The following OTC variants were observed in gnomAD, a reference collection of about 807,000 sequenced individuals.
The protein encoded by OTC is ornithine transcarbamylase.
Under a neutral mutation model 30.3 loss-of-function variants are expected in OTC, and 3 were observed. That is an observed-to-expected ratio of 0.10 (90% confidence interval 0.05 to 0.26). OTC has a LOEUF of 0.26. OTC is among the 10% of genes least tolerant of loss of function. The pLI is 1.00. For synonymous variants in OTC, 111 were observed against 99.7 expected (o/e 1.11, Z -0.67); for missense variants, 194 against 260.3 (o/e 0.75, Z 1.75).
chrX:38,407,185 G>C lies in OTC; in HGVS notation c.664-1557G>C, dbSNP rs906307531. 2.7e-5 allele frequency among the ~76,000 whole-genome samples: 3 copies of C among 112,697 alleles called. No individual in the cohort carries two copies. The Admixed American group carries it at 2.8e-4, about 11-fold the overall frequency. ...CTGGATCTGAGATGTCCATTCATCT[G>C]TCTGGAGTTGGGCAGAGGAGGGTCA... On this transcript the variant is annotated intron_variant, in intron 6 of 9. Transcript: ENST00000039007.
chrX:38,375,380 TCTGA>T (rs1322582899), intron 3 of OTC, among the ~76,000 whole-genome samples: 2 of 111,917 alleles, frequency 1.8e-5, no homozygotes, highest in African/African-American at 6.5e-5. Flanking sequence ...AAAGGATCCC[TCTGA>T]CTGAGAATAA....
chrX:38,344,230 TATATATATATACACACACACACAC>T, the OTC span, among the ~76,000 whole-genome samples: 2 of 64,806 alleles, frequency 3.1e-5, no homozygotes, highest in Non-Finnish European at 5.5e-5. Flanking sequence ...CTTTTGGTGA[TATATATATATACACACACACACAC>T]ACACACACAC....
chrX:38,386,241 C>T (rs185477651), intron 4 of OTC, among the ~76,000 whole-genome samples: 4 of 107,825 alleles, frequency 3.7e-5, no homozygotes, highest in East Asian at 5.8e-4. Flanking sequence ...GGCGTGGTGG[C>T]GTGTGCCTGT....
upstream of OTC, among the ~76,000 whole-genome samples, chrX:38,352,366 T>A (rs958862760): frequency 2.7e-5 from 3 of 111,941 alleles, no homozygotes; most frequent in Non-Finnish European, 3.8e-5. Context: ...ATATATTATA[T>A]CCTCAATGAG....
At chrX:38,334,275 G>A in the OTC span, among the ~76,000 whole-genome samples, 25 of 112,085 alleles carry the variant, frequency 2.2e-4, no homozygotes, top group Admixed American at 9.4e-5. Context: ...GTCTCTCAGC[G>A]AAAACATGGT....
At chrX:38,394,996 G>A (rs946745774) in intron 4 of OTC, among the ~76,000 whole-genome samples, 2 of 110,659 alleles carry the variant, frequency 1.8e-5, no homozygotes, top group African/African-American at 3.3e-5. Flanking sequence ...TTTTTGAGAC[G>A]AAATCTCACT....
chrX:38,399,969 G>C (rs1178923091), intron 4 of OTC, among the ~76,000 whole-genome samples: 1 of 111,418 alleles, frequency 9.0e-6, no homozygotes, highest in Non-Finnish European at 1.9e-5. Flanking sequence ...GCTTCCATCA[G>C]AAGTGGTAGA....
intron 3 of OTC, among the ~76,000 whole-genome samples, chrX:38,377,594 C>T (rs1049802341): frequency 7.1e-5 from 8 of 112,095 alleles, no homozygotes; most frequent in African/African-American, 2.3e-4. Context: ...TAGCTGCTAC[C>T]ACCTTGTTCC....
chrX:38,386,672 A>T (rs2068405123), intron 4 of OTC, among the ~76,000 whole-genome samples: 1 of 111,917 alleles, frequency 8.9e-6, no homozygotes, highest in Non-Finnish European at 1.9e-5. Flanking sequence ...CATTGTGAAT[A>T]TGTACCACAT....
In OTC at chrX:38,421,317, A is replaced by T. The variant is rs1435711886; in HGVS notation, c.*235A>T. On this transcript the variant is annotated 3_prime_UTR_variant, in exon 10 of 10. Transcript: ENST00000039007. The stretch of plus-strand genomic sequence containing the variant: ...CTCTCTAATTCCCAATTTCTGAGTT[A>T]CATTTAGATATCATATTAATTATCA... 3 of 375,679 alleles carry T rather than the reference A, an allele frequency of 8.0e-6. No homozygotes were observed. The highest frequency in any genetic ancestry group is 9.4e-6 in the Non-Finnish European group (2 of 213,720). 31.0% of individuals were successfully genotyped at this position (375,679 alleles called of 1,213,427 possible). A position where few individuals can be genotyped will look rare whatever the true frequency, so the allele number is the denominator to read the frequency against.
chrX:38,362,247 G>A (rs917415612), intron 1 of OTC, among the ~76,000 whole-genome samples: 4 of 111,681 alleles, frequency 3.6e-5, no homozygotes, highest in South Asian at 7.5e-4. Flanking sequence ...ATGGTGTCGT[G>A]CAGTTCAAAA....
intron 3 of OTC, among the ~76,000 whole-genome samples, chrX:38,377,432 A>G (rs2068354078): frequency 8.9e-6 from 1 of 112,105 alleles, no homozygotes; most frequent in Non-Finnish European, 1.9e-5. Context: ...CCAAACCCAA[A>G]ATTTGTAGAA....
chrX:38,347,923 G>A (rs2068197541), upstream of OTC, among the ~76,000 whole-genome samples: 1 of 111,558 alleles, frequency 9.0e-6, no homozygotes, highest in Non-Finnish European at 1.9e-5. Flanking sequence ...GATTTCACTA[G>A]GGAAGCACAC....
intron 3 of OTC, among the ~76,000 whole-genome samples, chrX:38,371,702 C>T (rs2147325933): frequency 8.9e-6 from 1 of 111,853 alleles, no homozygotes; most frequent in East Asian, 2.8e-4. Context: ...ATGCACACTC[C>T]TTCCCCCTAA....
the OTC span, among the ~76,000 whole-genome samples, chrX:38,346,410 CATAACAT>C: frequency 1.8e-5 from 2 of 112,171 alleles, no homozygotes; most frequent in Non-Finnish European, 3.8e-5. Flanking sequence ...AACAGTTAAA[CATAACAT>C]ATAACTACCA....
chrX:38,354,558 A>G (rs2068231415), intron 1 of OTC, among the ~76,000 whole-genome samples: 1 of 111,023 alleles, frequency 9.0e-6, no homozygotes, highest in Non-Finnish European at 1.9e-5. Flanking sequence ...TGTATTTACT[A>G]ATACACTACT....
chrX:38,331,508 T>C, the OTC span, among the ~76,000 whole-genome samples: 1 of 102,733 alleles, frequency 9.7e-6, no homozygotes, highest in Non-Finnish European at 2.0e-5. Context: ...GGTCTAGAAC[T>C]CCCGACCTCA....
chrX:38,364,143 A>G (rs2068284268), intron 1 of OTC, among the ~76,000 whole-genome samples: 2 of 111,677 alleles, frequency 1.8e-5, no homozygotes, highest in African/African-American at 6.5e-5. Flanking sequence ...AAATAAATAA[A>G]TAAATATAAT....
chrX:38,362,565 A>T (rs1207166768), intron 1 of OTC, among the ~76,000 whole-genome samples: 1 of 112,465 alleles, frequency 8.9e-6, no homozygotes, highest in African/African-American at 3.2e-5. Flanking sequence ...TTCAAGCAGG[A>T]TGTTTGTGTG....
Sources: allele counts gnomAD v4.1 joint callset (sites outside exome capture counted in the v4.1 genomes callset), GRCh38; gene constraint gnomAD v4.1.1; transcripts MANE v1.5; gene names NCBI Gene and HGNC (gene_info 2026-07-23, HGNC 2026-07-21).